NCOA1: variants seen among roughly 807,000 people sequenced by gnomAD.
NCOA1 encodes nuclear receptor coactivator 1, also known as Hin-2 protein.
A neutral mutation model predicts 150.9 loss-of-function variants in NCOA1; 35 were observed. The ratio of observed to expected loss-of-function variants is 0.23; its 90% CI spans 0.18 to 0.31. NCOA1 has a LOEUF of 0.31. NCOA1 is among the 10% of genes least tolerant of loss of function. NCOA1 has a pLI of 1.00. For missense variants in NCOA1, 1,491 were observed against 1,749.3 expected, an observed-to-expected ratio of 0.85 and a Z score of 2.63; for synonymous variants, 590 against 630.0, an observed-to-expected ratio of 0.94 and a Z score of 0.95.
At chr2:24,538,287 G>A (rs1196787738) in intron 1 of NCOA1, among the ~76,000 whole-genome samples, 1 of 152,170 alleles carries the variant, frequency 6.6e-6, no homozygotes, top group African/African-American at 2.4e-5. Context: ...TTGGCAGAAT[G>A]CTCATAGACT....
intron 14 of NCOA1, 95 bp from the exon 15 acceptor site, chr2:24,726,494 G>T: frequency 1.5e-6 from 1 of 656,952 alleles, no homozygotes; most frequent in Non-Finnish European, 2.6e-6. Flanking sequence ...ATATTTTAAA[G>T]GAGAAATCTC....
chr2:24,751,059 C>T (rs1232478634), intron 19 of NCOA1, among the ~76,000 whole-genome samples: 1 of 149,536 alleles, frequency 6.7e-6, no homozygotes, highest in Non-Finnish European at 1.5e-5. Flanking sequence ...GCGATCTCGT[C>T]TCACTGCAAC....
At chr2:24,651,029 T>A (rs1670688241) in intron 4 of NCOA1, among the ~76,000 whole-genome samples, 1 of 151,934 alleles carries the variant, frequency 6.6e-6, no homozygotes, top group Non-Finnish European at 1.5e-5. Flanking sequence ...TCAACCTGTA[T>A]CAAAAAGACA....
At chr2:24,756,793 A>G (rs536987810) in intron 20 of NCOA1, among the ~76,000 whole-genome samples, 3 of 152,218 alleles carry the variant, frequency 2.0e-5, no homozygotes, top group Non-Finnish European at 2.9e-5. Flanking sequence ...TGTCAAGTTG[A>G]ATTCCCATGG....
At chr2:24,633,226 G>A (rs1669785526) in intron 3 of NCOA1, among the ~76,000 whole-genome samples, 1 of 151,292 alleles carries the variant, frequency 6.6e-6, no homozygotes, top group Non-Finnish European at 1.5e-5. Context: ...AGCAAGAATG[G>A]GATATTTAAA....
intron 3 of NCOA1, among the ~76,000 whole-genome samples, chr2:24,607,137 C>A (rs1407745705): frequency 3.3e-5 from 5 of 150,710 alleles, no homozygotes; most frequent in Admixed American, 6.6e-5. Flanking sequence ...ATTTGGGAAA[C>A]CCTGAATTTT....
At chr2:24,566,378 A>G (rs1261074928) in intron 2 of NCOA1, among the ~76,000 whole-genome samples, 1 of 150,758 alleles carries the variant, frequency 6.6e-6, no homozygotes, top group Non-Finnish European at 1.5e-5. Context: ...CTTCTCCACA[A>G]CTGGTAGTTC....
chr2:24,582,250 C>T (rs763527260), intron 2 of NCOA1, among the ~76,000 whole-genome samples: 1 of 151,938 alleles, frequency 6.6e-6, no homozygotes, highest in Non-Finnish European at 1.5e-5. Context: ...AATTGATAAA[C>T]GAATTCAGTA....
In NCOA1 at chr2:24,621,800, A is replaced by C. The variant is rs528962435; in HGVS notation, c.-174-22166A>C. Among the ~76,000 whole-genome samples the C allele has an allele frequency of 1.4e-4, 21 of 152,286 alleles. No individual in the cohort carries two copies. The South Asian group carries it at 3.5e-3, about 26-fold the overall frequency. ...CAGCCTTTCAGGCAGCTTTCTAAGC[A>C]GCGCTCATGAATTTGAATCCCTGTA... On this transcript the variant is annotated intron_variant, in intron 3 of 22. Coordinates refer to ENST00000348332, the MANE Select transcript of NCOA1 (RefSeq NM_003743.5).
intron 3 of NCOA1, among the ~76,000 whole-genome samples, chr2:24,616,585 A>AC (rs1309538576): frequency 6.6e-6 from 1 of 152,158 alleles, no homozygotes; most frequent in African/African-American, 2.4e-5. Context: ...CTTTAAAAAT[A>AC]CCCCCAAAAC....
chr2:24,545,804 T>C (rs2148207019), intron 1 of NCOA1, among the ~76,000 whole-genome samples: 1 of 152,326 alleles, frequency 6.6e-6, no homozygotes, highest in Non-Finnish European at 1.5e-5. Flanking sequence ...TATTTACTTA[T>C]TTTTTTGAGT....
intron 1 of NCOA1, among the ~76,000 whole-genome samples, chr2:24,547,410 T>C (rs532676191): frequency 1.3e-5 from 2 of 152,348 alleles, no homozygotes; most frequent in South Asian, 4.1e-4. Context: ...AAAACATCTT[T>C]GCTTAGTAAT....
intron 3 of NCOA1, among the ~76,000 whole-genome samples, chr2:24,620,559 A>G (rs1669094753): frequency 6.6e-6 from 1 of 152,194 alleles, no homozygotes; most frequent in African/African-American, 2.4e-5. Context: ...TGGTGAGCTG[A>G]GATCACGCCA....
At chr2:24,543,217 A>C (rs1665470794) in intron 1 of NCOA1, among the ~76,000 whole-genome samples, 1 of 152,198 alleles carries the variant, frequency 6.6e-6, no homozygotes, top group Admixed American at 6.5e-5. Flanking sequence ...GGGCATGTAC[A>C]AAGAGATCAC....
At chr2:24,649,874 TC>T (rs1306229207) in intron 4 of NCOA1, among the ~76,000 whole-genome samples, 2 of 152,192 alleles carry the variant, frequency 1.3e-5, no homozygotes, top group Non-Finnish European at 2.9e-5. Context: ...ATATATTGTT[TC>T]AAACATTAAG....
At chr2:24,602,595 T>A (rs1348088288) in intron 3 of NCOA1, among the ~76,000 whole-genome samples, 1 of 152,092 alleles carries the variant, frequency 6.6e-6, no homozygotes, top group Non-Finnish European at 1.5e-5. Flanking sequence ...ATCAAGACAA[T>A]AAATATATTT....
Position 24,559,984 on chromosome 2 carries a change from G to T in NCOA1, c.-395-4311G>T, listed in dbSNP as rs142410249. On this transcript the variant is annotated intron_variant, in intron 1 of 22. Transcript: ENST00000348332. Reference sequence around the variant, plus strand: ...GGCTTGAGGCTTTTTTTCTGTGTTGGAGAACAGTTGGGGAATCAGGCTTCA... The same window carrying T: ...GGCTTGAGGCTTTTTTTCTGTGTTGTAGAACAGTTGGGGAATCAGGCTTCA... Among the ~76,000 whole-genome samples, 295 of 152,174 alleles carry T rather than the reference G, an allele frequency of 1.9e-3. 12 individuals are homozygous for T. The East Asian group carries it at 0.05, about 26-fold the overall frequency.
Position 24,768,349 on chromosome 2 carries a change from G to A in NCOA1, c.4284G>A (p.Gln1428=), listed in dbSNP as rs775440371. The stretch of plus-strand genomic sequence containing the variant: ...CCACGTCAGGACCACAGACCCCCCA[G>A]GCCCAGCAGAAGAGCCTCCTTCAGC... The part of the protein sequence containing the change: ...QKPTSGPQTP[Q]AQQKSLLQQL... Residue 1428 remains glutamine, a synonymous_variant, in exon 23 of 23, where the codon CAG becomes CAA. Coordinates refer to ENST00000348332, the MANE Select transcript of NCOA1 (RefSeq NM_003743.5). The A allele has an allele frequency of 2.5e-6, 4 of 1,613,172 alleles. No homozygotes were observed. The Admixed American group carries it at 5.0e-5, about 20-fold the overall frequency.
intron 11 of NCOA1, among the ~76,000 whole-genome samples, chr2:24,703,026 G>C (rs765870372): frequency 6.6e-6 from 1 of 152,102 alleles, no homozygotes. Flanking sequence ...TGGAAGCTGC[G>C]TATTTGTTGG....
Sources: gnomAD v4.1 joint callset for allele counts (sites outside exome capture counted in the v4.1 genomes callset) on GRCh38, gnomAD v4.1.1 for gene constraint, MANE v1.5 for transcripts, NCBI Gene and HGNC (gene_info 2026-07-23, HGNC 2026-07-21) for gene names.